Variants in CATSPERB observed in about 807,000 individuals in gnomAD.
CATSPERB encodes catsper channel auxiliary subunit beta.
CATSPERB carries 93 observed loss-of-function variants against 128.3 expected under a neutral mutation model. That is an observed-to-expected ratio of 0.72 (90% CI 0.61 to 0.86). The LOEUF (loss-of-function observed/expected upper bound fraction) is 0.86, where lower values mean the gene tolerates loss of function less well. Among genes scored for constraint, CATSPERB ranks in the 40% least tolerant of loss-of-function variants. The pLI, the probability that CATSPERB is intolerant of heterozygous loss-of-function variation, is 0.00. For synonymous variants in CATSPERB, 381 were observed against 448.8 expected (o/e 0.85, Z 1.91); for missense variants, 1,153 against 1,329.5 (o/e 0.87, Z 2.06).
Position 91,673,001 on chromosome 14 carries a change from A to G in CATSPERB, c.994T>C (p.Tyr332His). The G allele has an allele frequency of 6.3e-7, 1 of 1,577,802 alleles. No individual in the cohort carries two copies. The highest frequency in any genetic ancestry group is 8.5e-7 in the Non-Finnish European group (1 of 1,171,728). Reference protein sequence around the residue: ...RTLSESSSCFYSQEPFLEWVP... With the variant: ...RTLSESSSCFHSQEPFLEWVP... ...CATTCAAGAAATGGTTCCTGACTAT[A>G]AAAACAAGAGCTTGACTATAAAAAA... is the stretch of plus-strand genomic sequence containing the variant. The change falls in exon 13 of 27, where the codon TAT becomes CAT. Residue 332 changes from tyrosine to histidine, a missense_variant. Physicochemically the swap from Tyr to His is moderately conservative, Grantham distance 83. Transcript: ENST00000256343.
Position 91,636,466 on chromosome 14 carries a change from C to A in CATSPERB, c.1701G>T (p.Lys567Asn). ...TTCCATAGTGTATATTGCCGAACTT[C>A]TTGCTGTAGATCGTTTCCTGGGGTT... ...ENEPQETIYSKKFGNIHYGKV... is the reference protein window; with the variant it reads ...ENEPQETIYSNKFGNIHYGKV... Residue 567 changes from lysine (K) to asparagine (N), a missense_variant, in exon 17 of 27, where the codon AAG (lysine) becomes AAT (asparagine). Transcript: ENST00000256343. 1.2e-6 allele frequency: 2 copies of A among 1,614,122 alleles called. No individual in the cohort carries two copies. The highest frequency in any genetic ancestry group is 1.7e-6 in the Non-Finnish European group (2 of 1,180,012).
At chr14:91,591,229 A>G (rs1893394508) in intron 23 of CATSPERB, among the ~76,000 whole-genome samples, 1 of 151,642 alleles carries the variant, frequency 6.6e-6, no homozygotes, top group South Asian at 2.1e-4. Flanking sequence ...TGATTTTTGT[A>G]TTTTTAGTAG....
In CATSPERB at chr14:91,659,855, C is replaced by G. The variant is rs775892294; in HGVS notation, c.1414G>C (p.Val472Leu). The change falls in exon 15 of 27, where the codon GTT becomes CTT. Residue 472 changes from valine (V) to leucine (L), a missense_variant. Transcript: ENST00000256343. ...AITFVSQRGK[V>L]YSTKAGMGRY... ...TTCTTACCTGCCTTTGTCGAGTAAACCTTTCCACGTTGAGAAACAAAAGTA... is the reference window on the plus strand; with the variant it reads ...TTCTTACCTGCCTTTGTCGAGTAAAGCTTTCCACGTTGAGAAACAAAAGTA... 6.2e-7 allele frequency: 1 copy of G among 1,605,628 alleles called. No individual in the cohort carries two copies. The highest frequency in any genetic ancestry group is 8.5e-7 in the Non-Finnish European group (1 of 1,178,078).
chr14:91,626,398 C>T (rs952560436), intron 17 of CATSPERB, among the ~76,000 whole-genome samples: 1 of 108,342 alleles, frequency 9.2e-6, no homozygotes, highest in Non-Finnish European at 1.7e-5. Flanking sequence ...CAGAGTCTTG[C>T]TCTGCCGCCA....
intron 26 of CATSPERB, among the ~76,000 whole-genome samples, chr14:91,581,937 G>T (rs1435271454): frequency 6.6e-6 from 1 of 152,176 alleles, no homozygotes; most frequent in East Asian, 1.9e-4. Flanking sequence ...AAGGATGACA[G>T]GCTGCTTTAA....
At position 91,589,636 on chromosome 14, in the gene CATSPERB, G is replaced by A. The variant is rs1236657005; in HGVS notation, c.2854C>T (p.Pro952Ser). ...TCGTTGATAATTTCCAAAGAAACTG[G>A]ATATTGTGTAATTGGAAACTTAAAG... ...PRFKFPITQY[P>S]VSLEIINEDG... is the part of the protein sequence containing the mutation. Residue 952 changes from proline to serine, a missense_variant, in exon 24 of 27, where the codon CCA becomes TCA. Pro to Ser is a moderately conservative substitution (Grantham distance 74). Transcript: ENST00000256343. 1 of 1,613,690 alleles carries A rather than the reference G, an allele frequency of 6.2e-7. No individual in the cohort carries two copies. Among genetic ancestry groups the A allele is most frequent in the Non-Finnish European group, 8.5e-7 (1 of 1,179,750 alleles).
chr14:91,623,757 T>A (rs1264317833), intron 18 of CATSPERB, among the ~76,000 whole-genome samples: 1 of 152,188 alleles, frequency 6.6e-6, no homozygotes, highest in Non-Finnish European at 1.5e-5. Flanking sequence ...TCAGATCATA[T>A]CACTTTCTGC....
intron 20 of CATSPERB, among the ~76,000 whole-genome samples, chr14:91,611,389 C>T (rs1450402679): frequency 1.3e-5 from 2 of 152,114 alleles, no homozygotes; most frequent in Admixed American, 1.3e-4. Flanking sequence ...GTGGGTGGAT[C>T]ACCTGAGGTC....
chr14:91,607,762 A>G (rs901649189), intron 22 of CATSPERB, among the ~76,000 whole-genome samples: 1 of 152,052 alleles, frequency 6.6e-6, no homozygotes, highest in Non-Finnish European at 1.5e-5. Flanking sequence ...TTTTCTGGAG[A>G]GATTCCACAG....
Position 91,724,101 on chromosome 14 carries a change from C to T in CATSPERB, c.169-912G>A, listed in dbSNP as rs977429958. Reference sequence around the variant, plus strand: ...GAACATTAAACTTTTTTTTAAAATGCCTGATACACATAAACTCTTTATAAA... The same window carrying T: ...GAACATTAAACTTTTTTTTAAAATGTCTGATACACATAAACTCTTTATAAA... On this transcript the variant is annotated intron_variant, in intron 3 of 26. Transcript: ENST00000256343. 8.6e-5 allele frequency among the ~76,000 whole-genome samples: 13 copies of T among 151,962 alleles called. No homozygotes were observed. In the South Asian group the frequency reaches 1.2e-3, roughly 15 times the overall value.
chr14:91,694,813 T>C (rs1405900764), intron 7 of CATSPERB, among the ~76,000 whole-genome samples: 1 of 152,244 alleles, frequency 6.6e-6, no homozygotes, highest in Non-Finnish European at 1.5e-5. Context: ...TAGGTAGGAA[T>C]GTCTAGAGTC....
In CATSPERB at chr14:91,592,011, A is replaced by G. The variant is rs747014009; in HGVS notation, c.2710-9T>C. On this transcript the variant is annotated splice_polypyrimidine_tract_variant and intron_variant, in intron 22 of 26. Coordinates refer to ENST00000256343, the MANE Select transcript of CATSPERB (RefSeq NM_024764.4). ...TTGAATTTACCGGTTTTCTGCAAAT[A>G]GAAGTAACAGATGTTGACTTGTTTT... The G allele has an allele frequency of 6.4e-7, 1 of 1,563,036 alleles. No individual in the cohort carries two copies. The highest frequency in any genetic ancestry group is 1.1e-5 in the South Asian group (1 of 89,802).
chr14:91,652,965 T>C (rs1894733020), intron 15 of CATSPERB, among the ~76,000 whole-genome samples: 1 of 152,314 alleles, frequency 6.6e-6, no homozygotes, highest in South Asian at 2.1e-4. Context: ...GGTGAAGATC[T>C]GGAGAAATAG....
chr14:91,648,494 A>G (rs1894644600), intron 15 of CATSPERB, among the ~76,000 whole-genome samples: 1 of 152,218 alleles, frequency 6.6e-6, no homozygotes, highest in Non-Finnish European at 1.5e-5. Flanking sequence ...AAGATTTAAC[A>G]CTGTCAATTT....
At chr14:91,589,428 C>G (rs780772237) in intron 24 of CATSPERB, 106 bp downstream of exon 24, 109 of 1,108,218 alleles carry the variant, frequency 9.8e-5, no homozygotes, top group Non-Finnish European at 1.3e-4. Flanking sequence ...TGCAAGAACT[C>G]CTGGCTCTCT....
chr14:91,662,784 CT>C (rs1185355034), intron 14 of CATSPERB, among the ~76,000 whole-genome samples: 1 of 152,192 alleles, frequency 6.6e-6, no homozygotes, highest in Non-Finnish European at 1.5e-5. Context: ...TTGTATTTCC[CT>C]GATTGCTTGT....
chr14:91,731,437 A>G (rs1391364369), intron 1 of CATSPERB, among the ~76,000 whole-genome samples: 1 of 152,214 alleles, frequency 6.6e-6, no homozygotes, highest in African/African-American at 2.4e-5. Context: ...AAGTCTGTCC[A>G]TCGAAATATT....
At chr14:91,667,407 A>G (rs1895005725) in intron 14 of CATSPERB, among the ~76,000 whole-genome samples, 1 of 152,218 alleles carries the variant, frequency 6.6e-6, no homozygotes, top group Admixed American at 6.5e-5. Context: ...GATAGAAAGA[A>G]AGAGAAAGAG....
intron 11 of CATSPERB, among the ~76,000 whole-genome samples, chr14:91,677,460 T>C (rs2139835485): frequency 6.6e-6 from 1 of 151,652 alleles, no homozygotes; most frequent in East Asian, 1.9e-4. Flanking sequence ...GAAAAAAGAG[T>C]GCAACATCAC....
Sources: gnomAD v4.1 joint callset for allele counts (sites outside exome capture counted in the v4.1 genomes callset) on GRCh38, gnomAD v4.1.1 for gene constraint, MANE v1.5 for transcripts, NCBI Gene and HGNC (gene_info 2026-07-23, HGNC 2026-07-21) for gene names.